The following SH3KBP1 variants were observed in gnomAD, a reference collection of about 807,000 sequenced individuals.
The protein encoded by SH3KBP1 is SH3 domain containing kinase binding protein 1, also known as SH3 domain-containing kinase-binding protein 1.
In SH3KBP1, 8 loss-of-function variants were observed where a neutral mutation model predicts 50.1. The ratio of observed to expected loss-of-function variants is 0.16; its 90% CI spans 0.09 to 0.29. The LOEUF (loss-of-function observed/expected upper bound fraction) is 0.29. Among genes scored for constraint, SH3KBP1 ranks in the 10% least tolerant of loss-of-function variants. The probability of loss-of-function intolerance (pLI) is 1.00; values close to 1 mark genes in which losing one functional copy is unlikely to be tolerated. For missense variants in SH3KBP1, 377 were observed against 535.2 expected (o/e 0.70, Z 2.92); for synonymous variants, 227 against 218.6 (o/e 1.04, Z -0.34).
At chrX:19,667,846 T>C (rs769300823) in intron 6 of SH3KBP1, among the ~76,000 whole-genome samples, 77 of 95,993 alleles carry the variant, frequency 8.0e-4, no homozygotes, top group African/African-American at 2.9e-3. Flanking sequence ...TTTTACCGTA[T>C]ACTTGAATTA....
At chrX:19,756,268 T>C (rs1426358998) in intron 2 of SH3KBP1, among the ~76,000 whole-genome samples, 1 of 110,874 alleles carries the variant, frequency 9.0e-6, no homozygotes, top group Non-Finnish European at 1.9e-5. Context: ...TATAATAATG[T>C]TTACATGTGT....
intron 3 of SH3KBP1, 190 bp from the exon 4 acceptor site, chrX:19,707,174 C>G (rs779200164): frequency 4.3e-5 from 23 of 533,234 alleles, no homozygotes; most frequent in South Asian, 3.8e-4. Flanking sequence ...GCTTCTTGGT[C>G]TTTTAAAAGC....
chrX:19,550,503 T>C (rs897347855), intron 13 of SH3KBP1, among the ~76,000 whole-genome samples: 5 of 111,550 alleles, frequency 4.5e-5, no homozygotes, highest in Admixed American at 1.9e-4. Context: ...ATGCCGGTCA[T>C]TGATTCCAAA....
intron 9 of SH3KBP1, among the ~76,000 whole-genome samples, chrX:19,604,674 C>T (rs1032456676): frequency 1.3e-4 from 14 of 111,490 alleles, no homozygotes; most frequent in East Asian, 2.8e-4. Flanking sequence ...ACACCCTCAG[C>T]GCAGCAAATG....
chrX:19,624,450 C>G (rs1205096019), intron 8 of SH3KBP1, among the ~76,000 whole-genome samples: 1 of 111,639 alleles, frequency 9.0e-6, no homozygotes, highest in African/African-American at 3.3e-5. Flanking sequence ...GCATATGCAC[C>G]TGGGAATTTA....
chrX:19,706,988 G>T lies in SH3KBP1; in HGVS notation c.287-4C>A. ...CACCGGCGCCTCCGTCGCTCGCCTG[G>T]ATGGGAAAAGCAAAATATTTAGAGA... On this transcript the variant is annotated splice_polypyrimidine_tract_variant and splice_region_variant and intron_variant, in intron 3 of 17. Coordinates refer to ENST00000397821, the MANE Select transcript of SH3KBP1 (RefSeq NM_031892.3). The T allele has an allele frequency of 1.7e-6, 2 of 1,187,626 alleles. No homozygotes were observed.
At chrX:19,567,557 A>AAAAAAAAAAAAGATAT (rs2065886635) in intron 13 of SH3KBP1, among the ~76,000 whole-genome samples, 1 of 35,087 alleles carries the variant, frequency 2.9e-5, no homozygotes, top group Non-Finnish European at 4.3e-5. Context: ...AAAAAAAAAA[A>AAAAAAAAAAAAGATAT]ATATATATAT....
intron 5 of SH3KBP1, among the ~76,000 whole-genome samples, chrX:19,691,473 T>C (rs1481317248): frequency 9.4e-6 from 1 of 106,011 alleles, no homozygotes; most frequent in Non-Finnish European, 1.9e-5. Flanking sequence ...TTATATCTAA[T>C]CTAATCAAGA....
chrX:19,794,310 G>A (rs970304200), intron 2 of SH3KBP1, among the ~76,000 whole-genome samples: 1 of 110,714 alleles, frequency 9.0e-6, no homozygotes, highest in African/African-American at 3.3e-5. Context: ...GCTGAGAGGT[G>A]GGAGGCTCAC....
chrX:19,586,841 T>C (rs2066582846), intron 12 of SH3KBP1, among the ~76,000 whole-genome samples: 1 of 112,148 alleles, frequency 8.9e-6, no homozygotes, highest in African/African-American at 3.2e-5. Flanking sequence ...GTTTTTGTTG[T>C]TGTCATTGTT....
chrX:19,554,023 TAAAATATAATATATA>T (rs1197655592), intron 13 of SH3KBP1, among the ~76,000 whole-genome samples: 37 of 64,655 alleles, frequency 5.7e-4, no homozygotes, highest in Admixed American at 7.5e-4. Context: ...TAATATATAT[TAAAATATAATATATA>T]ATATATATTA....
In SH3KBP1 at chrX:19,776,532, GTTT is replaced by G. The variant is rs72090569; in HGVS notation, c.163-30094_163-30092del. Among the ~76,000 whole-genome samples the G allele has an allele frequency of 4.7e-3, 121 of 25,679 alleles. 1 individual carries two copies. Among genetic ancestry groups the G allele is most frequent in the African/African-American group, 0.019 (115 of 5,939 alleles). 22.3% of individuals were successfully genotyped at this position (25,679 alleles called of 115,157 possible). A position where few individuals can be genotyped will look rare whatever the true frequency, so the allele number is the denominator to read the frequency against. ...ATTCTAAATCTAGCTTGACAACCTG[GTTT>G]TTTTTTTTTTTTTTTTTTTTTTTTT... is the stretch of plus-strand genomic sequence containing the variant. On this transcript the variant is annotated intron_variant, in intron 2 of 17. Transcript: ENST00000397821.
At chrX:19,730,314 A>G (rs997523536) in intron 3 of SH3KBP1, among the ~76,000 whole-genome samples, 5 of 112,231 alleles carry the variant, frequency 4.5e-5, no homozygotes, top group Non-Finnish European at 7.5e-5. Context: ...TATTTCCATA[A>G]AAGAAATAAC....
At chrX:19,754,929 T>C (rs768912992) in intron 2 of SH3KBP1, among the ~76,000 whole-genome samples, 13 of 112,519 alleles carry the variant, frequency 1.2e-4, no homozygotes, top group Non-Finnish European at 2.4e-4. Context: ...TAACTGGGAA[T>C]ATTAGACATT....
At chrX:19,858,597 C>T (rs755032136) in intron 1 of SH3KBP1, among the ~76,000 whole-genome samples, 3 of 112,344 alleles carry the variant, frequency 2.7e-5, no homozygotes, top group South Asian at 3.6e-4. Context: ...CACTATACTC[C>T]GGCCTGGGCA....
chrX:19,755,735 C>G (rs2065191322), intron 2 of SH3KBP1, among the ~76,000 whole-genome samples: 1 of 112,320 alleles, frequency 8.9e-6, no homozygotes, highest in African/African-American at 3.2e-5. Context: ...AGACCTGAAA[C>G]TAGGCCTGGG....
chrX:19,660,581 T>G (rs985241517), intron 6 of SH3KBP1, among the ~76,000 whole-genome samples: 3 of 111,577 alleles, frequency 2.7e-5, no homozygotes, highest in Admixed American at 9.5e-5. Context: ...AAGGCATCAG[T>G]TAAGGTGGTG....
intron 2 of SH3KBP1, among the ~76,000 whole-genome samples, chrX:19,786,264 G>GAT (rs2147145055): frequency 9.0e-6 from 1 of 111,321 alleles, no homozygotes; most frequent in Non-Finnish European, 1.9e-5. Flanking sequence ...GAATGGCATT[G>GAT]CCTTCAAAAT....
chrX:19,596,000 T>C (rs895850818), intron 9 of SH3KBP1, among the ~76,000 whole-genome samples: 11 of 112,251 alleles, frequency 9.8e-5, no homozygotes, highest in African/African-American at 3.2e-4. Flanking sequence ...ATGGGATGGA[T>C]GTGTTTCTGC....
Sources: allele counts gnomAD v4.1 joint callset (sites outside exome capture counted in the v4.1 genomes callset), GRCh38; gene constraint gnomAD v4.1.1; transcripts MANE v1.5; gene names NCBI Gene and HGNC (gene_info 2026-07-23, HGNC 2026-07-21).